Variants in AHCYL2 observed in about 807,000 individuals in gnomAD.
AHCYL2 encodes adenosylhomocysteinase like 2.
A neutral mutation model predicts 81.4 loss-of-function variants in AHCYL2; 28 were observed. That is an observed-to-expected ratio of 0.34 (90% CI 0.25 to 0.47). The LOEUF (loss-of-function observed/expected upper bound fraction) is 0.47, where lower values mean the gene tolerates loss of function less well. AHCYL2 is among the 20% of genes least tolerant of loss of function. The pLI is 1.00. For synonymous variants in AHCYL2, 272 were observed against 290.2 expected, an observed-to-expected ratio of 0.94 and a Z score of 0.64; for missense variants, 551 against 785.1, an observed-to-expected ratio of 0.70 and a Z score of 3.56.
Position 129,409,535 on chromosome 7 carries a change from TTACCTG to T in AHCYL2, c.1359_1364del (p.Cys454_Thr455del). The T allele has an allele frequency of 6.2e-7, 1 of 1,612,558 alleles. No homozygotes were observed. Among genetic ancestry groups the T allele is most frequent in the Non-Finnish European group, 8.5e-7 (1 of 1,178,752 alleles). The stretch of plus-strand genomic sequence containing the variant: ...GTCATCCGACAAGTGGACATTGTTA[TTACCTG>T]TACAGGTATGATAATGACATTTTAA... On this transcript the variant is annotated inframe_deletion, in exon 11 of 17. Transcript: ENST00000325006.
At chr7:129,287,708 C>G (rs1328747103) in intron 1 of AHCYL2, among the ~76,000 whole-genome samples, 1 of 152,118 alleles carries the variant, frequency 6.6e-6, no homozygotes, top group African/African-American at 2.4e-5. Flanking sequence ...CTAATCCAAC[C>G]CTTAAGCTTT....
chr7:129,370,410 T>A (rs1489431516), intron 1 of AHCYL2, among the ~76,000 whole-genome samples: 8 of 131,138 alleles, frequency 6.1e-5, no homozygotes, highest in Admixed American at 5.6e-4. Flanking sequence ...AATAAAAAAA[T>A]TTGCAGCCGG....
At chr7:129,411,522 G>T (rs994171820) in intron 11 of AHCYL2, among the ~76,000 whole-genome samples, 1 of 152,130 alleles carries the variant, frequency 6.6e-6, no homozygotes, top group Non-Finnish European at 1.5e-5. Flanking sequence ...CACTTCAAGA[G>T]GCCAAGATGG....
intron 14 of AHCYL2, 42 bp from the exon 15 acceptor site, chr7:129,425,021 G>T: frequency 6.2e-7 from 1 of 1,612,856 alleles, no homozygotes. Context: ...TGGGTAGATT[G>T]CCATGAATGG....
intron 1 of AHCYL2, among the ~76,000 whole-genome samples, chr7:129,265,632 G>A (rs552495010): frequency 3.3e-5 from 5 of 152,148 alleles, no homozygotes; most frequent in Non-Finnish European, 7.3e-5. Flanking sequence ...ATTAAGGCTG[G>A]CAGGTAATGA....
chr7:129,226,611 CTT>C (rs778406235), intron 1 of AHCYL2, among the ~76,000 whole-genome samples: 2 of 152,274 alleles, frequency 1.3e-5, no homozygotes, highest in Non-Finnish European at 2.9e-5. Flanking sequence ...TCCACCATAA[CTT>C]TTTGTTGTCA....
At chr7:129,280,366 GC>G (rs564416989) in intron 1 of AHCYL2, among the ~76,000 whole-genome samples, 47 of 151,754 alleles carry the variant, frequency 3.1e-4, no homozygotes, top group African/African-American at 1.1e-3. Context: ...ACGAGGTTTC[GC>G]CGTGTTGGCC....
intron 1 of AHCYL2, among the ~76,000 whole-genome samples, chr7:129,291,084 C>T (rs1314197116): frequency 1.3e-5 from 2 of 151,988 alleles, no homozygotes; most frequent in East Asian, 3.8e-4. Context: ...CTTTACTTCA[C>T]TTGCTGTAAG....
chr7:129,417,537 C>T (rs2150960006), intron 12 of AHCYL2, among the ~76,000 whole-genome samples: 1 of 152,246 alleles, frequency 6.6e-6, no homozygotes, highest in South Asian at 2.1e-4. Flanking sequence ...GCCAGGTGGC[C>T]CCCATATCTA....
At chr7:129,246,074 T>C (rs1269741393) in intron 1 of AHCYL2, among the ~76,000 whole-genome samples, 1 of 152,144 alleles carries the variant, frequency 6.6e-6, no homozygotes, top group Non-Finnish European at 1.5e-5. Context: ...TTTTTTTTTT[T>C]TTGAGACGGA....
At chr7:129,263,133 T>C (rs1226227039) in intron 1 of AHCYL2, among the ~76,000 whole-genome samples, 1 of 152,236 alleles carries the variant, frequency 6.6e-6, no homozygotes, top group Non-Finnish European at 1.5e-5. Context: ...TAGTCTGTTA[T>C]GTTGTGGTTA....
intron 1 of AHCYL2, among the ~76,000 whole-genome samples, chr7:129,344,298 T>G (rs1793285911): frequency 6.6e-6 from 1 of 152,178 alleles, no homozygotes; most frequent in Non-Finnish European, 1.5e-5. Flanking sequence ...TACACAAGTG[T>G]CCATGACAGT....
At chr7:129,399,157 A>AC (rs1401001369) in intron 5 of AHCYL2, among the ~76,000 whole-genome samples, 92 of 147,618 alleles carry the variant, frequency 6.2e-4, no homozygotes, top group African/African-American at 2.1e-3. Flanking sequence ...AAAAAAAAAA[A>AC]AAAAAAAGAG....
At chr7:129,356,646 A>G (rs1295988001) in intron 1 of AHCYL2, among the ~76,000 whole-genome samples, 3 of 152,194 alleles carry the variant, frequency 2.0e-5, no homozygotes, top group East Asian at 1.9e-4. Context: ...TATAAGAGCA[A>G]TGTATCCTCA....
intron 1 of AHCYL2, among the ~76,000 whole-genome samples, chr7:129,359,947 GT>G (rs1245806041): frequency 6.6e-6 from 1 of 152,132 alleles, no homozygotes; most frequent in East Asian, 1.9e-4. Context: ...GGTACATTTA[GT>G]TTATACTAAG....
chr7:129,377,457 TA>T, intron 1 of AHCYL2: 1 of 449,452 alleles, frequency 2.2e-6, no homozygotes, highest in Non-Finnish European at 4.5e-6. Context: ...TGAATCCCCC[TA>T]AAAGGCAATG....
chr7:129,403,333 G>A, intron 6 of AHCYL2, 46 bp from the exon 7 acceptor site: 6 of 1,347,142 alleles, frequency 4.5e-6, no homozygotes, highest in Non-Finnish European at 6.2e-6. Context: ...CTGAAGCCTT[G>A]AGACTTCAGC....
intron 1 of AHCYL2, among the ~76,000 whole-genome samples, chr7:129,288,041 G>A (rs1289282165): frequency 1.3e-5 from 2 of 152,110 alleles, no homozygotes; most frequent in African/African-American, 4.8e-5. Flanking sequence ...TAAAAAATTA[G>A]CAATAATTTT....
At chr7:129,375,801 G>C in intron 1 of AHCYL2, 1 of 1,530,504 alleles carries the variant, frequency 6.5e-7, no homozygotes, top group Non-Finnish European at 8.7e-7. Context: ...TGCTGATGAG[G>C]AAAGTTTAAA....
Sources: allele counts gnomAD v4.1 joint callset (sites outside exome capture counted in the v4.1 genomes callset), GRCh38; gene constraint gnomAD v4.1.1; transcripts MANE v1.5; gene names NCBI Gene and HGNC (gene_info 2026-07-23, HGNC 2026-07-21).